Variants in HMBOX1 observed in about 807,000 individuals in gnomAD.
HMBOX1 encodes the protein homeobox containing 1, also known as homeobox-containing protein 1.
HMBOX1 carries 14 observed loss-of-function variants against 54.5 expected under a neutral mutation model. The observed-to-expected ratio is 0.26, with a 90% confidence interval of 0.17 to 0.40. The LOEUF (loss-of-function observed/expected upper bound fraction) is 0.40, where lower values mean the gene tolerates loss of function less well. HMBOX1 is among the 10% of genes least tolerant of loss of function. The probability of loss-of-function intolerance (pLI) is 1.00; values close to 1 mark genes in which losing one functional copy is unlikely to be tolerated. For missense variants in HMBOX1, 332 were observed against 514.4 expected (o/e 0.65, Z 3.43); for synonymous variants, 160 against 181.0 (o/e 0.88, Z 0.93).
chr8:28,977,587 G>C (rs979398558), intron 3 of HMBOX1, among the ~76,000 whole-genome samples: 2 of 152,086 alleles, frequency 1.3e-5, no homozygotes, highest in African/African-American at 4.8e-5. Context: ...ATATTTATTT[G>C]TACCTTTTTC....
intron 4 of HMBOX1, among the ~76,000 whole-genome samples, chr8:28,992,597 G>A (rs547000511): frequency 2.6e-5 from 4 of 152,058 alleles, no homozygotes; most frequent in East Asian, 3.9e-4. Flanking sequence ...CTGGCTGGGC[G>A]CGGTGGCTCA....
intron 2 of HMBOX1, among the ~76,000 whole-genome samples, chr8:28,965,981 C>G (rs1826368379): frequency 6.6e-6 from 1 of 151,804 alleles, no homozygotes; most frequent in African/African-American, 2.4e-5. Context: ...CCTAGTCATT[C>G]TAGATAATAA....
intron 4 of HMBOX1, among the ~76,000 whole-genome samples, chr8:28,986,960 C>T (rs920881045): frequency 2.0e-5 from 3 of 151,982 alleles, no homozygotes; most frequent in South Asian, 2.1e-4. Context: ...GAAATAATTT[C>T]GGAGGATATT....
chr8:29,012,535 G>A (rs2132884125), intron 5 of HMBOX1, among the ~76,000 whole-genome samples: 1 of 152,278 alleles, frequency 6.6e-6, no homozygotes, highest in East Asian at 1.9e-4. Flanking sequence ...TTTATGTAGG[G>A]GAACACACAC....
intron 1 of HMBOX1, among the ~76,000 whole-genome samples, chr8:28,955,379 T>C (rs1028443574): frequency 1.3e-5 from 2 of 152,190 alleles, no homozygotes; most frequent in South Asian, 4.1e-4. Flanking sequence ...CTCTTGTACA[T>C]AGAGATGTGC....
intron 6 of HMBOX1, among the ~76,000 whole-genome samples, chr8:29,028,211 A>G (rs538501517): frequency 6.6e-5 from 10 of 152,326 alleles, no homozygotes; most frequent in African/African-American, 1.7e-4. Flanking sequence ...GTGTGTCTTC[A>G]TGAACAAAAA....
intron 1 of HMBOX1, among the ~76,000 whole-genome samples, chr8:28,954,402 C>G (rs936447396): frequency 6.6e-6 from 1 of 152,110 alleles, no homozygotes; most frequent in Non-Finnish European, 1.5e-5. Flanking sequence ...TCATCTCTCC[C>G]AATGATGGCT....
intron 3 of HMBOX1, among the ~76,000 whole-genome samples, chr8:28,973,580 C>T (rs2132389450): frequency 6.6e-6 from 1 of 152,122 alleles, no homozygotes; most frequent in South Asian, 2.1e-4. Flanking sequence ...ACTGCCCTTG[C>T]TGATCACTAG....
intron 2 of HMBOX1, among the ~76,000 whole-genome samples, chr8:28,968,453 A>G (rs1212960543): frequency 6.6e-6 from 1 of 152,194 alleles, no homozygotes; most frequent in Non-Finnish European, 1.5e-5. Context: ...TCTTTTTCCT[A>G]CTGTTTACTC....
At chr8:28,930,118 GA>G (rs1819232503) in intron 1 of HMBOX1, among the ~76,000 whole-genome samples, 1 of 152,100 alleles carries the variant, frequency 6.6e-6, no homozygotes, top group African/African-American at 2.4e-5. Context: ...AGAGGTTCTA[GA>G]AACTGGATGT....
intron 4 of HMBOX1, among the ~76,000 whole-genome samples, chr8:28,994,254 GAGTA>G (rs1831451147): frequency 6.6e-6 from 1 of 151,774 alleles, no homozygotes; most frequent in South Asian, 2.1e-4. Flanking sequence ...CATAAGGTTA[GAGTA>G]AGTAAAACAG....
At chr8:29,026,648 A>G (rs1294725024) in intron 6 of HMBOX1, among the ~76,000 whole-genome samples, 1 of 152,190 alleles carries the variant, frequency 6.6e-6, no homozygotes, top group African/African-American at 2.4e-5. Flanking sequence ...GAGGCAGTCA[A>G]GGCTCAAAGA....
chr8:28,944,193 T>G (rs1289498405), intron 1 of HMBOX1, among the ~76,000 whole-genome samples: 1 of 152,238 alleles, frequency 6.6e-6, no homozygotes, highest in Non-Finnish European at 1.5e-5. Flanking sequence ...TGATGTTTTT[T>G]AGTCACAACG....
chr8:29,021,976 A>T (rs1801253960), intron 6 of HMBOX1, among the ~76,000 whole-genome samples: 1 of 128,108 alleles, frequency 7.8e-6, no homozygotes, highest in Non-Finnish European at 1.8e-5. Flanking sequence ...GTTTGGCAAC[A>T]TTTTATATTG....
At chr8:28,904,835 C>A (rs1478232329) in intron 1 of HMBOX1, among the ~76,000 whole-genome samples, 3 of 152,040 alleles carry the variant, frequency 2.0e-5, no homozygotes, top group African/African-American at 4.8e-5. Flanking sequence ...ACCACCACGC[C>A]CAACTAATTT....
chr8:28,906,539 C>T (rs184022406), intron 1 of HMBOX1, among the ~76,000 whole-genome samples: 8 of 152,172 alleles, frequency 5.3e-5, no homozygotes, highest in Admixed American at 3.3e-4. Flanking sequence ...TCAAACATGA[C>T]GTATGTAGAG....
chr8:29,024,424 G>C (rs1426358871), intron 6 of HMBOX1, among the ~76,000 whole-genome samples: 1 of 152,130 alleles, frequency 6.6e-6, no homozygotes. Context: ...GTTGGCATTC[G>C]GGCCTTATGT....
intron 6 of HMBOX1, among the ~76,000 whole-genome samples, chr8:29,032,118 G>A (rs1803075484): frequency 1.3e-5 from 2 of 152,126 alleles, no homozygotes; most frequent in South Asian, 2.1e-4. Context: ...TTTGTCTTTC[G>A]CAAAGCATCC....
intron 1 of HMBOX1, among the ~76,000 whole-genome samples, chr8:28,916,762 T>A (rs1033140699): frequency 2.6e-5 from 4 of 152,128 alleles, no homozygotes; most frequent in Admixed American, 6.5e-5. Context: ...CTTTTTTTTT[T>A]AAATCTAAAT....
Sources: allele counts gnomAD v4.1 joint callset (sites outside exome capture counted in the v4.1 genomes callset), GRCh38; gene constraint gnomAD v4.1.1; transcripts MANE v1.5; gene names NCBI Gene and HGNC (gene_info 2026-07-23, HGNC 2026-07-21).